IQCM: variants seen among roughly 807,000 people sequenced by gnomAD.
The protein encoded by IQCM is IQ motif containing M.
In IQCM, 45 loss-of-function variants were observed where a neutral mutation model predicts 57.6. That is an observed-to-expected ratio of 0.78 (90% confidence interval 0.62 to 1.00). The LOEUF (loss-of-function observed/expected upper bound fraction) is 1.00. Ranked by LOEUF, IQCM falls within the 50% of genes least tolerant of loss-of-function variation. IQCM has a pLI of 0.00. For synonymous variants in IQCM, 148 were observed against 158.9 expected (o/e 0.93, Z 0.51); for missense variants, 468 against 511.6 (o/e 0.91, Z 0.82).
chr4:149,581,685 C>T lies in IQCM; in HGVS notation c.749+6245G>A, dbSNP rs1299565281. 4.0e-5 allele frequency among the ~76,000 whole-genome samples: 6 copies of T among 151,766 alleles called. No individual in the cohort carries two copies. The East Asian group carries it at 1.2e-3, about 30-fold the overall frequency. On this transcript the variant is annotated intron_variant, in intron 9 of 13. Coordinates refer to ENST00000636793, the MANE Select transcript of IQCM (RefSeq NM_001363507.2). ...ATCTACAGGGTCTAGGGTTGGGTTCCACTTTACACTGTGCTACTAAAATTT... is the reference window on the plus strand; with the variant it reads ...ATCTACAGGGTCTAGGGTTGGGTTCTACTTTACACTGTGCTACTAAAATTT...
intron 12 of IQCM, chr4:149,514,648 T>C (rs926320057): frequency 2.0e-5 from 3 of 152,282 alleles, no homozygotes; most frequent in African/African-American, 7.2e-5. Flanking sequence ...TTTCAGTCTG[T>C]TAATGTCTCT....
intron 2 of IQCM, among the ~76,000 whole-genome samples, chr4:149,812,864 A>T (rs1399500635): frequency 1.4e-4 from 21 of 151,924 alleles, no homozygotes; most frequent in Admixed American, 1.4e-3. Context: ...GACAATGCAG[A>T]CCTCTCTGGT....
chr4:149,698,880 C>T (rs1458205070), intron 5 of IQCM, among the ~76,000 whole-genome samples: 3 of 151,974 alleles, frequency 2.0e-5, no homozygotes, highest in East Asian at 1.9e-4. Context: ...AGCTCAGCTT[C>T]GTCTTTTGTA....
intron 8 of IQCM, among the ~76,000 whole-genome samples, chr4:149,615,293 T>C (rs1424287161): frequency 6.6e-6 from 1 of 152,182 alleles, no homozygotes; most frequent in Non-Finnish European, 1.5e-5. Flanking sequence ...CAATGTAATA[T>C]TACATTTTAT....
At chr4:149,489,459 G>A (rs1353640082) in intron 12 of IQCM, among the ~76,000 whole-genome samples, 2 of 152,032 alleles carry the variant, frequency 1.3e-5, no homozygotes, top group Non-Finnish European at 2.9e-5. Context: ...TCAATAATGA[G>A]TGCTACAGTA....
intron 12 of IQCM, among the ~76,000 whole-genome samples, chr4:149,508,617 A>G (rs1368234947): frequency 6.6e-6 from 1 of 152,236 alleles, no homozygotes; most frequent in Non-Finnish European, 1.5e-5. Context: ...TGTGGGAAAT[A>G]ACTAACTTGT....
chr4:149,588,737 C>T, intron 8 of IQCM, among the ~76,000 whole-genome samples: 1 of 151,866 alleles, frequency 6.6e-6, no homozygotes, highest in East Asian at 1.9e-4. Flanking sequence ...TCTTGGACTT[C>T]CAGCCCCCAG....
chr4:149,451,360 G>A (rs780495632), intron 12 of IQCM, among the ~76,000 whole-genome samples: 1 of 151,760 alleles, frequency 6.6e-6, no homozygotes, highest in Non-Finnish European at 1.5e-5. Context: ...GTAACACAAA[G>A]CATAAATACT....
rs1192566678 is a variant in IQCM, at chr4:149,812,499, CACAG to C, written c.-49+2808_-49+2811del. Among the ~76,000 whole-genome samples, 680 of 141,328 alleles carry C rather than the reference CACAG, an allele frequency of 4.8e-3. 5 individuals are homozygous for C. Among genetic ancestry groups the C allele is most frequent in the African/African-American group, 0.018 (634 of 35,012 alleles). 92.7% of individuals were successfully genotyped at this position (141,328 alleles called of 152,430 possible). On this transcript the variant is annotated intron_variant, in intron 2 of 13. Coordinates refer to ENST00000636793, the MANE Select transcript of IQCM (RefSeq NM_001363507.2). ...TCTCTCTCACACACACACACACACA[CACAG>C]ACACACACACACACACACACACACA...
chr4:149,732,890 T>C (rs575732413), intron 5 of IQCM, among the ~76,000 whole-genome samples: 2 of 152,306 alleles, frequency 1.3e-5, no homozygotes, highest in African/African-American at 2.4e-5. Flanking sequence ...GTAAGTTGCC[T>C]ATCCTATTGA....
At chr4:149,624,115 C>T (rs536870415) in intron 7 of IQCM, among the ~76,000 whole-genome samples, 9 of 151,250 alleles carry the variant, frequency 6.0e-5, no homozygotes, top group South Asian at 2.1e-4. Flanking sequence ...GCTTTGTATG[C>T]GCCATAAAAC....
At chr4:149,428,266 A>G (rs772428849) in intron 13 of IQCM, among the ~76,000 whole-genome samples, 14 of 151,898 alleles carry the variant, frequency 9.2e-5, no homozygotes, top group Non-Finnish European at 2.1e-4. Flanking sequence ...AAATCCAAGT[A>G]AATTCTGGGA....
intron 2 of IQCM, among the ~76,000 whole-genome samples, chr4:149,756,205 C>A (rs953086526): frequency 2.0e-5 from 3 of 152,116 alleles, no homozygotes; most frequent in African/African-American, 7.2e-5. Context: ...TGTATACCCC[C>A]CGCCGTGCCT....
At chr4:149,511,228 G>T (rs187165434) in intron 12 of IQCM, among the ~76,000 whole-genome samples, 39 of 152,092 alleles carry the variant, frequency 2.6e-4, no homozygotes, top group Middle Eastern at 3.4e-3. Flanking sequence ...TTTTTAAAAT[G>T]TATTTTGTGG....
intron 9 of IQCM, among the ~76,000 whole-genome samples, chr4:149,577,722 G>A (rs1029406203): frequency 1.3e-5 from 2 of 151,788 alleles, no homozygotes; most frequent in Non-Finnish European, 2.9e-5. Context: ...CACTTTTCTT[G>A]GTTCCATATG....
chr4:149,566,826 T>C (rs975437044), intron 9 of IQCM, among the ~76,000 whole-genome samples: 3 of 152,174 alleles, frequency 2.0e-5, no homozygotes, highest in Non-Finnish European at 2.9e-5. Context: ...AAGTGAACAA[T>C]TTATAGAAGT....
intron 2 of IQCM, among the ~76,000 whole-genome samples, chr4:149,799,627 C>T (rs948770189): frequency 6.6e-6 from 1 of 151,342 alleles, no homozygotes; most frequent in Admixed American, 6.6e-5. Flanking sequence ...GAAGTAAAAT[C>T]GGAGATGAGA....
intron 12 of IQCM, among the ~76,000 whole-genome samples, chr4:149,543,677 A>G (rs1328864664): frequency 6.6e-6 from 1 of 151,978 alleles, no homozygotes; most frequent in Non-Finnish European, 1.5e-5. Context: ...GCACATGTAT[A>G]CATATGTAAC....
intron 12 of IQCM, among the ~76,000 whole-genome samples, chr4:149,525,279 T>C (rs1044219029): frequency 6.6e-6 from 1 of 151,934 alleles, no homozygotes; most frequent in Non-Finnish European, 1.5e-5. Context: ...AGATTTTCAC[T>C]ATAAAAAAGT....
Sources: gnomAD v4.1 joint callset for allele counts (sites outside exome capture counted in the v4.1 genomes callset) on GRCh38, gnomAD v4.1.1 for gene constraint, MANE v1.5 for transcripts, NCBI Gene and HGNC (gene_info 2026-07-23, HGNC 2026-07-21) for gene names.